The following STK32B variants were observed in gnomAD, a reference collection of about 807,000 sequenced individuals.
STK32B encodes serine/threonine kinase 32B.
Under a neutral mutation model 52.6 loss-of-function variants are expected in STK32B, and 43 were observed. The ratio of observed to expected loss-of-function variants is 0.82; its 90% CI spans 0.64 to 1.05. STK32B has a LOEUF of 1.05. STK32B is among the 50% of genes least tolerant of loss of function. The pLI is 0.00. For missense variants in STK32B, 621 were observed against 534.6 expected (o/e 1.16, Z -1.59); for synonymous variants, 238 against 204.3 (o/e 1.17, Z -1.41).
the STK32B span, among the ~76,000 whole-genome samples, chr4:5,026,196 T>C: frequency 1.3e-5 from 2 of 152,232 alleles, no homozygotes; most frequent in African/African-American, 2.4e-5. Context: ...AGAAAGAGCA[T>C]TTAACCCTTT....
intron 4 of STK32B, among the ~76,000 whole-genome samples, chr4:5,371,838 G>C (rs1225736924): frequency 6.6e-6 from 1 of 152,194 alleles, no homozygotes; most frequent in Non-Finnish European, 1.5e-5. Flanking sequence ...AGAGTTTGCT[G>C]ACCTCTCTCT....
intron 1 of STK32B, among the ~76,000 whole-genome samples, chr4:5,082,214 A>G (rs949265467): frequency 6.6e-6 from 1 of 152,144 alleles, no homozygotes; most frequent in East Asian, 1.9e-4. Context: ...GTTGTCCCGA[A>G]GGAGGTATCC....
At chr4:5,459,873 T>A (rs1297024929) in intron 8 of STK32B, among the ~76,000 whole-genome samples, 5 of 152,168 alleles carry the variant, frequency 3.3e-5, no homozygotes, top group Non-Finnish European at 2.9e-5. Flanking sequence ...GCCCTAACAG[T>A]CCCTCACTGG....
At chr4:5,203,044 C>T (rs992874348) in intron 3 of STK32B, among the ~76,000 whole-genome samples, 2 of 152,216 alleles carry the variant, frequency 1.3e-5, no homozygotes, top group Non-Finnish European at 2.9e-5. Flanking sequence ...GAAATCCCAG[C>T]TCTTCATCTT....
At chr4:5,274,401 A>T in intron 3 of STK32B, among the ~76,000 whole-genome samples, 1 of 152,068 alleles carries the variant, frequency 6.6e-6, no homozygotes, top group East Asian at 1.9e-4. Flanking sequence ...GTAGGGTGGG[A>T]CAGACCATAT....
At chr4:5,300,943 A>G (rs1164355473) in intron 3 of STK32B, among the ~76,000 whole-genome samples, 1 of 151,784 alleles carries the variant, frequency 6.6e-6, no homozygotes, top group Non-Finnish European at 1.5e-5. Flanking sequence ...TCACAAAATT[A>G]GGGGGACACC....
Position 5,051,779 on chromosome 4 carries a change from G to GCATCCCGCATCTCTGCGCGCGTCCCA in STK32B, c.-73_-48dup. 6.5e-7 allele frequency: 1 copy of GCATCCCGCATCTCTGCGCGCGTCCCA among 1,534,176 alleles called. No homozygotes were observed. Among genetic ancestry groups the GCATCCCGCATCTCTGCGCGCGTCCCA allele is most frequent in the Middle Eastern group, 1.7e-4 (1 of 5,876 alleles). ...ACAACCCGGACTGGGCGCGCCCCCG[G>GCATCCCGCATCTCTGCGCGCGTCCCA]CATCCCGCATCTCTGCGCGCGTCCC... is the stretch of plus-strand genomic sequence containing the variant. On this transcript the variant is annotated 5_prime_UTR_variant, in exon 1 of 12. Coordinates refer to ENST00000282908, the MANE Select transcript of STK32B (RefSeq NM_018401.3).
At chr4:5,177,590 C>G (rs1720012747) in intron 3 of STK32B, among the ~76,000 whole-genome samples, 1 of 152,172 alleles carries the variant, frequency 6.6e-6, no homozygotes, top group Non-Finnish European at 1.5e-5. Context: ...AAGTCCAAGT[C>G]CAAAGTCTCA....
chr4:5,092,334 C>A (rs1308631261), intron 1 of STK32B, among the ~76,000 whole-genome samples: 1 of 152,142 alleles, frequency 6.6e-6, no homozygotes, highest in Non-Finnish European at 1.5e-5. Flanking sequence ...GAGTTTGAGA[C>A]CAGCCTGGGC....
chr4:5,461,614 G>A (rs1313529983), intron 9 of STK32B, among the ~76,000 whole-genome samples: 1 of 152,198 alleles, frequency 6.6e-6, no homozygotes, highest in African/African-American at 2.4e-5. Flanking sequence ...CTCCCTGTGA[G>A]CAGCGTTGCA....
At chr4:5,197,116 G>A (rs965627609) in intron 3 of STK32B, among the ~76,000 whole-genome samples, 8 of 152,174 alleles carry the variant, frequency 5.3e-5, no homozygotes, top group Non-Finnish European at 1.0e-4. Context: ...TGCAGGGGAA[G>A]GCAGGTGACA....
intron 6 of STK32B, among the ~76,000 whole-genome samples, chr4:5,434,303 C>G (rs897293846): frequency 2.0e-5 from 3 of 152,178 alleles, no homozygotes; most frequent in Non-Finnish European, 1.5e-5. Flanking sequence ...CTTCTTTTAT[C>G]TACTAATTCA....
At chr4:5,480,324 A>G (rs974059628) in intron 11 of STK32B, among the ~76,000 whole-genome samples, 1 of 152,178 alleles carries the variant, frequency 6.6e-6, no homozygotes, top group Non-Finnish European at 1.5e-5. Context: ...GAGAACATAT[A>G]TGTGCCCAAG....
At chr4:5,164,215 C>T (rs1304093203) in intron 2 of STK32B, among the ~76,000 whole-genome samples, 1 of 152,124 alleles carries the variant, frequency 6.6e-6, no homozygotes, top group East Asian at 1.9e-4. Context: ...GGGTAGATTC[C>T]TTCTAGAGGC....
chr4:5,113,514 GT>G (rs1714522759), intron 1 of STK32B, among the ~76,000 whole-genome samples: 1 of 151,766 alleles, frequency 6.6e-6, no homozygotes, highest in African/African-American at 2.4e-5. Context: ...AGCTATTAAG[GT>G]TTTGGGTTTG....
intron 3 of STK32B, among the ~76,000 whole-genome samples, chr4:5,228,859 C>T (rs762233784): frequency 9.9e-5 from 15 of 152,024 alleles, no homozygotes; most frequent in Non-Finnish European, 1.9e-4. Flanking sequence ...CCCAGCTACT[C>T]GGAAGCCTGA....
intron 3 of STK32B, among the ~76,000 whole-genome samples, chr4:5,170,015 T>C (rs962637098): frequency 1.3e-5 from 2 of 152,242 alleles, no homozygotes; most frequent in African/African-American, 2.4e-5. Context: ...TCCTTGTTAC[T>C]GCAAACTCTT....
chr4:5,357,820 A>T (rs753999353), intron 4 of STK32B, among the ~76,000 whole-genome samples: 2 of 150,442 alleles, frequency 1.3e-5, no homozygotes, highest in Non-Finnish European at 2.9e-5. Flanking sequence ...TGTATCCCAG[A>T]TAGCTCCCCA....
chr4:5,383,930 G>A (rs1016583924), intron 4 of STK32B, among the ~76,000 whole-genome samples: 9 of 152,222 alleles, frequency 5.9e-5, no homozygotes, highest in African/African-American at 2.2e-4. Context: ...TGGATACAGT[G>A]TCAGGCATGA....
Sources: allele counts gnomAD v4.1 joint callset (sites outside exome capture counted in the v4.1 genomes callset), GRCh38; gene constraint gnomAD v4.1.1; transcripts MANE v1.5; gene names NCBI Gene and HGNC (gene_info 2026-07-23, HGNC 2026-07-21).